VCL: variants seen among roughly 807,000 people sequenced by gnomAD.
The protein encoded by VCL is vinculin.
Under a neutral mutation model 125.7 loss-of-function variants are expected in VCL, and 47 were observed. That is an observed-to-expected ratio of 0.37 (90% CI 0.30 to 0.48). The LOEUF (loss-of-function observed/expected upper bound fraction) is 0.48, where lower values mean the gene tolerates loss of function less well. Among genes scored for constraint, VCL ranks in the 20% least tolerant of loss-of-function variants. VCL has a pLI of 0.99. For synonymous variants in VCL, 458 were observed against 514.6 expected, an observed-to-expected ratio of 0.89 and a Z score of 1.49; for missense variants, 1,069 against 1,455.5, an observed-to-expected ratio of 0.73 and a Z score of 4.32.
At chr10:74,017,758 A>G (rs904394314) in intron 1 of VCL, among the ~76,000 whole-genome samples, 1 of 151,980 alleles carries the variant, frequency 6.6e-6, no homozygotes, top group African/African-American at 2.4e-5. Context: ...TACACATACA[A>G]TTTTATTATA....
chr10:74,077,569 C>A, intron 6 of VCL: 1 of 243,202 alleles, frequency 4.1e-6, no homozygotes. Context: ...TTAATCAGAC[C>A]TTTTGTCTGA....
At chr10:74,080,211 T>C (rs1839654997) in intron 6 of VCL, among the ~76,000 whole-genome samples, 1 of 152,046 alleles carries the variant, frequency 6.6e-6, no homozygotes, top group African/African-American at 2.4e-5. Context: ...CTGGAGCTTA[T>C]TTTCTCTGCA....
At chr10:74,024,603 C>T (rs983743289) in intron 1 of VCL, among the ~76,000 whole-genome samples, 8 of 123,788 alleles carry the variant, frequency 6.5e-5, no homozygotes, top group Non-Finnish European at 1.4e-4. Context: ...CAACGTGACA[C>T]TCCATCTCAA....
At chr10:74,117,931 G>T in intron 21 of VCL, 92 bp from the exon 22 acceptor site, 6 of 1,550,928 alleles carry the variant, frequency 3.9e-6, no homozygotes, top group Non-Finnish European at 5.3e-6. Flanking sequence ...TACCAGTGGG[G>T]TTAGCTGCAT....
At chr10:74,101,669 C>A (rs1564531618) in intron 14 of VCL, among the ~76,000 whole-genome samples, 1 of 150,058 alleles carries the variant, frequency 6.7e-6, no homozygotes, top group Non-Finnish European at 1.5e-5. Context: ...CATTCTCCTG[C>A]CTCAGCCTCC....
At chr10:74,049,798 C>A (rs1321353503) in intron 2 of VCL, among the ~76,000 whole-genome samples, 1 of 152,150 alleles carries the variant, frequency 6.6e-6, no homozygotes, top group Non-Finnish European at 1.5e-5. Context: ...GATTCATAAC[C>A]AAATACAGAA....
intron 1 of VCL, among the ~76,000 whole-genome samples, chr10:74,015,946 A>G (rs1049013194): frequency 2.0e-5 from 3 of 151,774 alleles, no homozygotes; most frequent in African/African-American, 4.8e-5. Context: ...CAGCTTCCCA[A>G]TGTGTTGGGA....
intron 1 of VCL, among the ~76,000 whole-genome samples, chr10:74,005,552 A>G (rs1215668019): frequency 6.6e-6 from 1 of 152,052 alleles, no homozygotes; most frequent in Non-Finnish European, 1.5e-5. Flanking sequence ...CATTGCACCC[A>G]GCCAGAGACA....
chr10:74,105,102 A>C lies in VCL; in HGVS notation c.2183A>C (p.Glu728Ala). The change falls in exon 16 of 22, where the codon GAA (glutamate) becomes GCA (alanine). Residue 728 changes from glutamate (E) to alanine (A), a missense_variant. By Grantham distance (107) the Glu-to-Ala change is moderately radical. Transcript: ENST00000211998. ...AAATCTCTGTTGGATGCTTCAGAAG[A>C]AGCAATTAAAAAAGACCTGGACAAG... ...DTKSLLDASEEAIKKDLDKCK... is the reference protein window; with the variant it reads ...DTKSLLDASEAAIKKDLDKCK... 2 of 1,614,180 alleles carry C rather than the reference A, an allele frequency of 1.2e-6. No individual in the cohort carries two copies. Among genetic ancestry groups the C allele is most frequent in the Non-Finnish European group, 1.7e-6 (2 of 1,180,026 alleles).
chr10:74,047,244 C>CT (rs1841209813), intron 2 of VCL, among the ~76,000 whole-genome samples: 1 of 152,194 alleles, frequency 6.6e-6, no homozygotes, highest in African/African-American at 2.4e-5. Context: ...CTGCAGTGAG[C>CT]TGTCATTATG....
intron 2 of VCL, among the ~76,000 whole-genome samples, chr10:74,045,365 G>A (rs760362656): frequency 6.6e-6 from 1 of 151,892 alleles, no homozygotes; most frequent in African/African-American, 2.4e-5. Context: ...ACTCACACCT[G>A]TAATCCCAGT....
rs554939738 is a variant in VCL, at chr10:74,010,322, G to A, written c.168+11947G>A. Among the ~76,000 whole-genome samples the A allele has an allele frequency of 3.3e-5, 5 of 152,290 alleles. No individual in the cohort carries two copies. The South Asian group carries it at 1.0e-3, about 32-fold the overall frequency. On this transcript the variant is annotated intron_variant, in intron 1 of 21. Transcript: ENST00000211998. ...TTTGTTCTTTTGTATTTTTATCAAAGTATTTTAGTTTTCATATTGCATTAA... is the reference window on the plus strand; with the variant it reads ...TTTGTTCTTTTGTATTTTTATCAAAATATTTTAGTTTTCATATTGCATTAA...
intron 1 of VCL, among the ~76,000 whole-genome samples, chr10:74,013,207 G>A (rs778377946): frequency 8.5e-5 from 13 of 152,138 alleles, no homozygotes; most frequent in Non-Finnish European, 1.6e-4. Context: ...ATATCAGGCT[G>A]TGGTTGAATC....
chr10:74,083,199 A>G (rs147766405), intron 7 of VCL, among the ~76,000 whole-genome samples, 167 bp from the exon 8 acceptor site: 238 of 152,176 alleles, frequency 1.6e-3, no homozygotes, highest in African/African-American at 5.6e-3. Flanking sequence ...ACCTCACCCT[A>G]TGGTTTAAGG....
In VCL at chr10:74,022,137, C is replaced by T. The variant is rs181993365; in HGVS notation, c.169-20946C>T. On this transcript the variant is annotated intron_variant, in intron 1 of 21. Transcript: ENST00000211998. Reference sequence around the variant, plus strand: ...TTTCTCTATGGAGAGCAGAAGTCAGCAAACTATAGCCTGTGTTTTTAACTG... The same window carrying T: ...TTTCTCTATGGAGAGCAGAAGTCAGTAAACTATAGCCTGTGTTTTTAACTG... 7.2e-5 allele frequency among the ~76,000 whole-genome samples: 11 copies of T among 152,266 alleles called. No individual in the cohort carries two copies. In the East Asian group the frequency reaches 1.9e-3, roughly 27 times the overall value.
At chr10:73,999,896 T>C (rs890854672) in intron 1 of VCL, among the ~76,000 whole-genome samples, 4 of 152,230 alleles carry the variant, frequency 2.6e-5, no homozygotes, top group African/African-American at 7.2e-5. Context: ...TACATTCTTA[T>C]GTAGTGTTGT....
intron 8 of VCL, among the ~76,000 whole-genome samples, chr10:74,087,110 G>A (rs1246238310): frequency 6.6e-6 from 1 of 151,934 alleles, no homozygotes; most frequent in Non-Finnish European, 1.5e-5. Flanking sequence ...TCATCATGAA[G>A]TAGTAGATTT....
chr10:74,002,336 G>T (rs1191488497), intron 1 of VCL, among the ~76,000 whole-genome samples: 2 of 150,624 alleles, frequency 1.3e-5, no homozygotes. Context: ...TGTTGGTTAG[G>T]CTGGTCTTGA....
intron 1 of VCL, among the ~76,000 whole-genome samples, chr10:74,004,507 T>C (rs975012139): frequency 6.6e-6 from 1 of 152,162 alleles, no homozygotes; most frequent in Non-Finnish European, 1.5e-5. Flanking sequence ...TTGTTAAATA[T>C]CAGTGGAGGT....
Sources: gnomAD v4.1 joint callset for allele counts (sites outside exome capture counted in the v4.1 genomes callset) on GRCh38, gnomAD v4.1.1 for gene constraint, MANE v1.5 for transcripts, NCBI Gene and HGNC (gene_info 2026-07-23, HGNC 2026-07-21) for gene names.